Variants in GNAZ observed in about 807,000 individuals in gnomAD.
GNAZ encodes G protein subunit alpha z.
In GNAZ, 3 loss-of-function variants were observed where a neutral mutation model predicts 25.4. The ratio of observed to expected loss-of-function variants is 0.12; its 90% CI spans 0.05 to 0.30. GNAZ has a LOEUF of 0.30. GNAZ is among the 10% of genes least tolerant of loss of function. GNAZ has a pLI of 1.00. For missense variants in GNAZ, 241 were observed against 501.8 expected (o/e 0.48, Z 4.97); for synonymous variants, 211 against 205.7 (o/e 1.03, Z -0.22).
chr22:23,116,717 C>G (rs1472535712), intron 2 of GNAZ, among the ~76,000 whole-genome samples: 1 of 152,214 alleles, frequency 6.6e-6, no homozygotes, highest in Non-Finnish European at 1.5e-5. Context: ...ACCCCCAGCC[C>G]AGGCGCTTGT....
intron 2 of GNAZ, among the ~76,000 whole-genome samples, chr22:23,112,810 G>A (rs529585276): frequency 6.6e-6 from 1 of 152,156 alleles, no homozygotes; most frequent in Non-Finnish European, 1.5e-5. Context: ...GTGGGGATAG[G>A]GACCTGGCTG....
intron 1 of GNAZ, among the ~76,000 whole-genome samples, chr22:23,090,628 G>A (rs370642895): frequency 1.3e-5 from 2 of 152,112 alleles, no homozygotes; most frequent in African/African-American, 4.8e-5. Context: ...CAGGGCCTTT[G>A]TGCCGGTGGT....
At chr22:23,119,843 C>T (rs1467039459) in intron 2 of GNAZ, among the ~76,000 whole-genome samples, 3 of 152,112 alleles carry the variant, frequency 2.0e-5, no homozygotes, top group Non-Finnish European at 1.5e-5. Flanking sequence ...GGAAACCAGG[C>T]GTCTACACAG....
intron 2 of GNAZ, among the ~76,000 whole-genome samples, chr22:23,099,538 C>T (rs1246603304): frequency 2.0e-5 from 3 of 152,234 alleles, no homozygotes; most frequent in East Asian, 3.8e-4. Flanking sequence ...GGGGCAGCAG[C>T]GCCTGTTATT....
intron 2 of GNAZ, among the ~76,000 whole-genome samples, chr22:23,112,334 C>T (rs1264312762): frequency 6.6e-6 from 1 of 152,230 alleles, no homozygotes; most frequent in Non-Finnish European, 1.5e-5. Flanking sequence ...GGCTCTAGGG[C>T]CCAGTGCTCA....
chr22:23,084,865 C>T (rs753105319), intron 1 of GNAZ, among the ~76,000 whole-genome samples: 2 of 152,212 alleles, frequency 1.3e-5, no homozygotes, highest in Non-Finnish European at 1.5e-5. Flanking sequence ...TGCCAGAGGA[C>T]GCACTGTCTG....
chr22:23,087,691 T>G (rs1476508475), intron 1 of GNAZ, among the ~76,000 whole-genome samples: 2 of 152,140 alleles, frequency 1.3e-5, no homozygotes, highest in Non-Finnish European at 1.5e-5. Context: ...GAGTGCTGAT[T>G]GGTCAGAGAT....
chr22:23,115,600 G>T (rs1038386291), intron 2 of GNAZ, among the ~76,000 whole-genome samples: 5 of 152,114 alleles, frequency 3.3e-5, no homozygotes, highest in Admixed American at 1.3e-4. Context: ...TGACCCTGCA[G>T]GGTGGCCTCC....
At chr22:23,122,794 C>G (rs1425382186) in intron 2 of GNAZ, 1 of 462,858 alleles carries the variant, frequency 2.2e-6, no homozygotes, top group Non-Finnish European at 3.9e-6. Flanking sequence ...CTTGGCACAT[C>G]TGTAGCCCCA....
chr22:23,091,271 C>T (rs914143473), intron 1 of GNAZ, among the ~76,000 whole-genome samples: 1 of 152,234 alleles, frequency 6.6e-6, no homozygotes, highest in African/African-American at 2.4e-5. Flanking sequence ...CACATCCATG[C>T]ACCTGCACTC....
intron 1 of GNAZ, among the ~76,000 whole-genome samples, chr22:23,079,275 G>A (rs898585352): frequency 5.3e-5 from 8 of 152,360 alleles, no homozygotes; most frequent in East Asian, 1.9e-4. Flanking sequence ...AAATAGGATG[G>A]GCAGGGAGGC....
At chr22:23,111,026 A>AG (rs768570443) in intron 2 of GNAZ, among the ~76,000 whole-genome samples, 1 of 152,138 alleles carries the variant, frequency 6.6e-6, no homozygotes, top group South Asian at 2.1e-4. Context: ...ACTTCGAATG[A>AG]GGGGGTAGGA....
chr22:23,120,312 G>A (rs1162091922), intron 2 of GNAZ, among the ~76,000 whole-genome samples: 1 of 152,042 alleles, frequency 6.6e-6, no homozygotes, highest in East Asian at 1.9e-4. Context: ...CCACAGTCAG[G>A]AGTGTTTCAT....
chr22:23,122,190 A>C (rs1449395019), intron 2 of GNAZ, among the ~76,000 whole-genome samples: 1 of 152,228 alleles, frequency 6.6e-6, no homozygotes, highest in Non-Finnish European at 1.5e-5. Context: ...TTCATTTTGC[A>C]GGGAAGTGGT....
chr22:23,098,545 C>A lies in GNAZ; in HGVS notation c.723+2127C>A, dbSNP rs73384372. Among the ~76,000 whole-genome samples, 800 of 152,348 alleles carry A rather than the reference C, an allele frequency of 5.3e-3. 9 individuals carry two copies. The highest frequency in any genetic ancestry group is 0.017 in the African/African-American group (716 of 41,592). On this transcript the variant is annotated intron_variant, in intron 2 of 2. Transcript: ENST00000615612. ...CCTGTGAGGTTCCAGGCATTCAAGG[C>A]ACTTTCTAAAGGGAGGGGCTGGCAG...
chr22:23,073,951 T>C (rs758840936), intron 1 of GNAZ, among the ~76,000 whole-genome samples: 1 of 150,812 alleles, frequency 6.6e-6, no homozygotes, highest in Non-Finnish European at 1.5e-5. Context: ...ACTGACACAG[T>C]GCCATGCAGA....
At chr22:23,101,681 A>T (rs1045058968) in intron 2 of GNAZ, among the ~76,000 whole-genome samples, 1 of 152,228 alleles carries the variant, frequency 6.6e-6, no homozygotes, top group Admixed American at 6.5e-5. Context: ...CCAGGGCCAC[A>T]TGCAGTTTGT....
intron 2 of GNAZ, among the ~76,000 whole-genome samples, chr22:23,096,832 G>A (rs1353061426): frequency 6.6e-6 from 1 of 152,260 alleles, no homozygotes; most frequent in Admixed American, 6.5e-5. Flanking sequence ...GAGCTGTTTA[G>A]AAGGGATAAT....
At chr22:23,087,889 C>G (rs2068861214) in intron 1 of GNAZ, among the ~76,000 whole-genome samples, 1 of 152,218 alleles carries the variant, frequency 6.6e-6, no homozygotes, top group Admixed American at 6.5e-5. Flanking sequence ...GGGTCAGAAT[C>G]TTTAGCCTTC....
Sources: gnomAD v4.1 joint callset for allele counts (sites outside exome capture counted in the v4.1 genomes callset) on GRCh38, gnomAD v4.1.1 for gene constraint, MANE v1.5 for transcripts, NCBI Gene and HGNC (gene_info 2026-07-23, HGNC 2026-07-21) for gene names.